NLRP5: variants seen among roughly 807,000 people sequenced by gnomAD.
The protein encoded by NLRP5 is NACHT, LRR and PYD domains-containing protein 5.
In NLRP5, 93 loss-of-function variants were observed where a neutral mutation model predicts 113.1. The ratio of observed to expected loss-of-function variants is 0.82; its 90% confidence interval spans 0.70 to 0.98. NLRP5 has a LOEUF of 0.98. Ranked by LOEUF, NLRP5 falls within the 50% of genes least tolerant of loss-of-function variation. The pLI is 0.00. For synonymous variants in NLRP5, 751 were observed against 600.7 expected, an observed-to-expected ratio of 1.25 and a Z score of -3.66; for missense variants, 1,808 against 1,514.3, an observed-to-expected ratio of 1.19 and a Z score of -3.22.
intron 2 of NLRP5, among the ~76,000 whole-genome samples, chr19:56,006,036 T>G (rs933101493): frequency 3.3e-5 from 5 of 152,220 alleles, no homozygotes; most frequent in African/African-American, 1.2e-4. Context: ...GTCAGAGATT[T>G]GCAGTTTTCC....
intron 11 of NLRP5, among the ~76,000 whole-genome samples, chr19:56,043,392 T>C (rs1983591717): frequency 6.6e-6 from 1 of 152,084 alleles, no homozygotes; most frequent in East Asian, 1.9e-4. Context: ...TGTTGGCCAT[T>C]TGTATATCTT....
the NLRP5 span, among the ~76,000 whole-genome samples, chr19:55,990,548 C>T: frequency 2.6e-5 from 4 of 151,426 alleles, no homozygotes; most frequent in African/African-American, 9.7e-5. Context: ...AAAATTAGGC[C>T]GGGCACGGTG....
intron 11 of NLRP5, among the ~76,000 whole-genome samples, chr19:56,042,399 C>T (rs1317779939): frequency 6.6e-6 from 1 of 152,058 alleles, no homozygotes; most frequent in Non-Finnish European, 1.5e-5. Flanking sequence ...GTTGGAGTGG[C>T]ATGGCGCAAT....
chr19:56,003,049 A>C (rs1981717239), intron 1 of NLRP5, among the ~76,000 whole-genome samples: 1 of 150,250 alleles, frequency 6.7e-6, no homozygotes, highest in South Asian at 2.1e-4. Context: ...TCAGTGTGGC[A>C]ATTCCTCAGG....
At chr19:56,010,755 A>AAAAAAAAAAAAAAAAAT (rs78321861) in intron 3 of NLRP5, among the ~76,000 whole-genome samples, 7 of 125,980 alleles carry the variant, frequency 5.6e-5, no homozygotes, top group African/African-American at 1.8e-4. Flanking sequence ...AAAAAAAAAA[A>AAAAAAAAAAAAAAAAAT]GTCCCTTGAA....
chr19:56,028,223 A>T lies in NLRP5; in HGVS notation c.1990A>T (p.Lys664Ter). Residue 664 changes from lysine (K) to a stop codon, truncating the protein, a stop_gained, in exon 7 of 15, where the codon AAG (lysine) becomes TAG (stop). Transcript: ENST00000390649. LOFTEE classifies it high-confidence loss of function. The stretch of plus-strand genomic sequence containing the variant: ...TCCCGTTCCCCTGGGGGTGAAGCAG[A>T]AGCTTCTGCACTGGGTCTCTCTGTT... The T allele has an allele frequency of 6.2e-7, 1 of 1,613,936 alleles. No individual in the cohort carries two copies. Among genetic ancestry groups the T allele is most frequent in the Non-Finnish European group, 8.5e-7 (1 of 1,179,902 alleles).
intron 7 of NLRP5, among the ~76,000 whole-genome samples, chr19:56,031,700 C>G (rs552404043): frequency 1.3e-5 from 2 of 151,932 alleles, no homozygotes; most frequent in African/African-American, 4.8e-5. Context: ...TGGTATAGCT[C>G]ACCTAACATA....
intron 4 of NLRP5, 78 bp downstream of exon 4, chr19:56,015,876 C>G: frequency 2.8e-6 from 3 of 1,065,832 alleles, no homozygotes; most frequent in Non-Finnish European, 4.0e-6. Context: ...GTTCAAAGGA[C>G]GGGGAAATCC....
At chr19:56,021,285 G>C (rs1373356005) in intron 6 of NLRP5, among the ~76,000 whole-genome samples, 1 of 152,168 alleles carries the variant, frequency 6.6e-6, no homozygotes, top group Non-Finnish European at 1.5e-5. Context: ...AGATGTAAGA[G>C]CAGGCTTCCC....
chr19:56,053,115 G>C (rs1007715962), intron 12 of NLRP5, among the ~76,000 whole-genome samples: 5 of 150,750 alleles, frequency 3.3e-5, no homozygotes, highest in African/African-American at 1.2e-4. Flanking sequence ...TAAAAAATAG[G>C]CTGGGCGTAG....
intron 2 of NLRP5, among the ~76,000 whole-genome samples, chr19:56,008,066 C>T (rs938221423): frequency 1.0e-4 from 14 of 135,288 alleles, no homozygotes; most frequent in Admixed American, 3.9e-4. Flanking sequence ...GTAGCTGGGA[C>T]TACAGGCGCC....
At chr19:55,990,079 C>CTTTT in the NLRP5 span, among the ~76,000 whole-genome samples, 19 of 95,930 alleles carry the variant, frequency 2.0e-4, no homozygotes, top group South Asian at 3.5e-4. Context: ...TTTCTTTTTT[C>CTTTT]TTTTTTTTTT....
chr19:56,026,563 A>G (rs542626331), intron 6 of NLRP5, among the ~76,000 whole-genome samples: 198 of 148,430 alleles, frequency 1.3e-3, no homozygotes, highest in African/African-American at 4.8e-3. Context: ...ACTGGCTTCA[A>G]ATTTTGTTTC....
chr19:55,996,332 T>C (rs1981323442), upstream of NLRP5, among the ~76,000 whole-genome samples: 1 of 152,190 alleles, frequency 6.6e-6, no homozygotes, highest in African/African-American at 2.4e-5. Flanking sequence ...CATAAAGGGA[T>C]GTTGAATTTT....
intron 8 of NLRP5, 22 bp downstream of exon 8, chr19:56,032,803 G>A (rs759117613): frequency 1.2e-5 from 19 of 1,585,688 alleles, no homozygotes; most frequent in South Asian, 6.9e-5. Context: ...CGCCCCCTAC[G>A]AGAGAATCCC....
intron 7 of NLRP5, among the ~76,000 whole-genome samples, chr19:56,030,553 A>C (rs1226932293): frequency 2.0e-5 from 3 of 152,074 alleles, no homozygotes; most frequent in African/African-American, 7.2e-5. Flanking sequence ...TTCCACAGCC[A>C]AGAGGAGTCA....
intron 9 of NLRP5, among the ~76,000 whole-genome samples, chr19:56,037,468 G>A (rs1983359848): frequency 1.3e-5 from 2 of 152,120 alleles, no homozygotes; most frequent in Admixed American, 1.3e-4. Flanking sequence ...GCCAAGGCGG[G>A]TGGAGCACAA....
At chr19:55,992,953 G>A in the NLRP5 span, among the ~76,000 whole-genome samples, 10 of 151,976 alleles carry the variant, frequency 6.6e-5, no homozygotes, top group East Asian at 1.6e-3. Context: ...AGGTTCAAGC[G>A]ATTCTCCTGC....
At position 56,032,395 on chromosome 19, in the gene NLRP5, C is replaced by A. The variant is rs1247774584; in HGVS notation, c.2277-216C>A. On this transcript the variant is annotated intron_variant, in intron 7 of 14. Coordinates refer to ENST00000390649, the MANE Select transcript of NLRP5 (RefSeq NM_153447.4). ...CAGGAGCTGGCGGTTCCCAGTCATG[C>A]CTGCATACCCCCTCGGGTATCGGTA... Among the ~76,000 whole-genome samples the A allele has an allele frequency of 2.0e-5, 3 of 151,226 alleles. No individual in the cohort carries two copies. In the East Asian group the frequency reaches 5.8e-4, roughly 29 times the overall value.
Sources: allele counts gnomAD v4.1 joint callset (sites outside exome capture counted in the v4.1 genomes callset), GRCh38; gene constraint gnomAD v4.1.1; transcripts MANE v1.5; gene names NCBI Gene and HGNC (gene_info 2026-07-23, HGNC 2026-07-21).